Variants in FBXL17 observed in about 807,000 individuals in gnomAD.
The protein encoded by FBXL17 is F-box and leucine rich repeat protein 17.
Under a neutral mutation model 66.2 loss-of-function variants are expected in FBXL17, and 22 were observed. The ratio of observed to expected loss-of-function variants is 0.33; its 90% CI spans 0.24 to 0.47. FBXL17 has a LOEUF of 0.47. FBXL17 is among the 20% of genes least tolerant of loss of function. The pLI is 1.00. For missense variants in FBXL17, 878 were observed against 948.2 expected (o/e 0.93, Z 0.97); for synonymous variants, 474 against 400.5 (o/e 1.18, Z -2.19).
At chr5:108,373,688 A>C (rs1194514225) in intron 1 of FBXL17, among the ~76,000 whole-genome samples, 1 of 152,056 alleles carries the variant, frequency 6.6e-6, no homozygotes. Context: ...GGCTGTGTTG[A>C]GTGGATCACT....
chr5:108,104,853 T>G (rs1461705849), intron 6 of FBXL17, among the ~76,000 whole-genome samples: 1 of 152,194 alleles, frequency 6.6e-6, no homozygotes, highest in Non-Finnish European at 1.5e-5. Flanking sequence ...TTTGTTTTGT[T>G]TTTTTGAGAT....
At chr5:108,180,619 AAC>A (rs1752963629) in intron 6 of FBXL17, among the ~76,000 whole-genome samples, 1 of 152,174 alleles carries the variant, frequency 6.6e-6, no homozygotes, top group Non-Finnish European at 1.5e-5. Context: ...GAAACTGGAT[AAC>A]AGTCTAAGAT....
chr5:107,887,205 T>C (rs1749002188), intron 7 of FBXL17, among the ~76,000 whole-genome samples: 1 of 152,186 alleles, frequency 6.6e-6, no homozygotes, highest in Admixed American at 6.5e-5. Flanking sequence ...TCTAAAATGA[T>C]TTCAAAACAA....
At chr5:108,336,453 A>C (rs970399061) in intron 4 of FBXL17, among the ~76,000 whole-genome samples, 2 of 152,200 alleles carry the variant, frequency 1.3e-5, no homozygotes, top group Non-Finnish European at 2.9e-5. Context: ...AAAGTATGAC[A>C]AAAGAAAAGA....
intron 6 of FBXL17, among the ~76,000 whole-genome samples, chr5:108,180,819 T>C (rs1752971689): frequency 6.6e-6 from 1 of 152,122 alleles, no homozygotes; most frequent in South Asian, 2.1e-4. Flanking sequence ...TTCTATATTG[T>C]TCTCCTAATT....
intron 7 of FBXL17, among the ~76,000 whole-genome samples, chr5:107,891,486 T>C (rs950426487): frequency 1.2e-4 from 19 of 152,070 alleles, no homozygotes; most frequent in African/African-American, 3.4e-4. Flanking sequence ...AAGGAGGCCA[T>C]TGCAATTATC....
chr5:108,166,195 A>G (rs1752408497), intron 6 of FBXL17, among the ~76,000 whole-genome samples: 1 of 152,256 alleles, frequency 6.6e-6, no homozygotes, highest in Admixed American at 6.5e-5. Flanking sequence ...TAATTCAGAT[A>G]TATCAATAAT....
chr5:108,239,934 G>C (rs866622351), intron 4 of FBXL17, among the ~76,000 whole-genome samples: 9 of 152,046 alleles, frequency 5.9e-5, no homozygotes, highest in South Asian at 2.1e-4. Flanking sequence ...GATCCTGGAT[G>C]ACATGTCTAG....
chr5:107,915,686 G>C (rs965600505), intron 7 of FBXL17, among the ~76,000 whole-genome samples: 9 of 152,140 alleles, frequency 5.9e-5, no homozygotes, highest in Non-Finnish European at 1.3e-4. Context: ...AGTAATTTTG[G>C]TACTTATAAT....
chr5:108,032,073 G>C (rs1323658511), intron 6 of FBXL17, among the ~76,000 whole-genome samples: 1 of 152,032 alleles, frequency 6.6e-6, no homozygotes, highest in African/African-American at 2.4e-5. Context: ...CTTCCCAAAG[G>C]GAATTCACAA....
chr5:107,868,989 G>C (rs1470707131), intron 8 of FBXL17, among the ~76,000 whole-genome samples: 1 of 152,204 alleles, frequency 6.6e-6, no homozygotes. Flanking sequence ...GTGTGAAATA[G>C]CTCTGCTTTG....
At chr5:108,089,896 C>T (rs537870779) in intron 6 of FBXL17, among the ~76,000 whole-genome samples, 130 of 152,216 alleles carry the variant, frequency 8.5e-4, no homozygotes, top group African/African-American at 2.9e-3. Flanking sequence ...GGCACAAACA[C>T]GGCTCACTGT....
At chr5:108,245,184 T>C (rs578145244) in intron 4 of FBXL17, among the ~76,000 whole-genome samples, 5 of 152,256 alleles carry the variant, frequency 3.3e-5, no homozygotes, top group South Asian at 2.1e-4. Flanking sequence ...GTCTGATGTA[T>C]AATATGCAAA....
At chr5:108,313,232 C>A (rs1283043050) in intron 4 of FBXL17, among the ~76,000 whole-genome samples, 1 of 152,082 alleles carries the variant, frequency 6.6e-6, no homozygotes, top group Non-Finnish European at 1.5e-5. Flanking sequence ...ACAATCCATT[C>A]TATTCAGAGA....
At chr5:108,372,926 A>G (rs1580916263) in intron 1 of FBXL17, among the ~76,000 whole-genome samples, 1 of 152,044 alleles carries the variant, frequency 6.6e-6, no homozygotes, top group East Asian at 1.9e-4. Flanking sequence ...TTGCTATATG[A>G]TTTAAAAGAC....
intron 6 of FBXL17, among the ~76,000 whole-genome samples, chr5:108,176,994 T>C (rs1353258001): frequency 1.3e-5 from 2 of 152,170 alleles, no homozygotes; most frequent in African/African-American, 2.4e-5. Context: ...ACTGAACCAT[T>C]TGATGAAGAT....
chr5:108,027,297 G>A, intron 6 of FBXL17, among the ~76,000 whole-genome samples: 1 of 151,918 alleles, frequency 6.6e-6, no homozygotes, highest in East Asian at 1.9e-4. Context: ...TTTTCTGAGG[G>A]GCAGGTACAG....
intron 4 of FBXL17, among the ~76,000 whole-genome samples, chr5:108,270,535 TA>T (rs1045536898): frequency 1.1e-3 from 160 of 139,476 alleles, no homozygotes; most frequent in Middle Eastern, 7.2e-3. Flanking sequence ...CTTAGGTTAA[TA>T]AAAAAAAAAA....
chr5:108,202,409 A>G (rs898445705), intron 5 of FBXL17, among the ~76,000 whole-genome samples: 2 of 152,156 alleles, frequency 1.3e-5, no homozygotes, highest in Non-Finnish European at 2.9e-5. Context: ...ATGAAAAAAT[A>G]AAAGTGGTAA....
Sources: allele counts gnomAD v4.1 joint callset (sites outside exome capture counted in the v4.1 genomes callset), GRCh38; gene constraint gnomAD v4.1.1; transcripts MANE v1.5; gene names NCBI Gene and HGNC (gene_info 2026-07-23, HGNC 2026-07-21).